FBXO31: variants seen among roughly 807,000 people sequenced by gnomAD.
The protein encoded by FBXO31 is F-box protein 31, also known as F-box only protein 31.
A neutral mutation model predicts 54.4 loss-of-function variants in FBXO31; 24 were observed. That is an observed-to-expected ratio of 0.44 (90% CI 0.32 to 0.62). The LOEUF is 0.62. Ranked by LOEUF, FBXO31 falls within the 20% of genes least tolerant of loss-of-function variation. The probability of loss-of-function intolerance (pLI) is 0.05; values close to 1 mark genes in which losing one functional copy is unlikely to be tolerated. For synonymous variants in FBXO31, 388 were observed against 335.6 expected (o/e 1.16, Z -1.71); for missense variants, 665 against 787.1 (o/e 0.84, Z 1.86).
chr16:87,383,586 G>A lies in FBXO31; in HGVS notation c.159C>T (p.Gly53=), dbSNP rs1345567904. ...RIEASAGVGG[G]LCAGPSPPPP... ...GCGGCGGCGAGGGGCCCGCGCACAA[G>A]CCGCCCCCGACCCCGGCGCTAGCCT... The change falls in exon 1 of 9, where the codon GGC becomes GGT. Residue 53 remains glycine (G), a synonymous_variant. Transcript: ENST00000311635. This position sits in a 1 kb window ranked among gnomAD's most constrained non-coding sequence, Gnocchi z 4.9. 2 of 1,486,012 alleles carry A rather than the reference G, an allele frequency of 1.3e-6. No individual in the cohort carries two copies. The highest frequency in any genetic ancestry group is 2.6e-5 in the South Asian group (2 of 76,940). The allele number at this position is 1,486,012 out of a possible 1,614,324, so 92.1% of individuals were successfully genotyped here. A position where few individuals can be genotyped will look rare whatever the true frequency, so the allele number is the denominator to read the frequency against.
At chr16:87,385,845 C>T (rs1441337991), upstream of FBXO31, among the ~76,000 whole-genome samples, 2 of 151,954 alleles carry the variant, frequency 1.3e-5, no homozygotes, top group African/African-American at 2.4e-5. Context: ...CTTGTCTCTA[C>T]TGAAAAAATG....
chr16:87,333,826 G>A (rs1259621189), intron 8 of FBXO31, 60 bp downstream of exon 8: 1 of 1,531,946 alleles, frequency 6.5e-7, no homozygotes. Flanking sequence ...GTGGGGCTGG[G>A]GCCCTCGCTG....
At chr16:87,360,115 G>A (rs920238609) in intron 2 of FBXO31, among the ~76,000 whole-genome samples, 180 bp downstream of exon 2, 1 of 152,150 alleles carries the variant, frequency 6.6e-6, no homozygotes, top group African/African-American at 2.4e-5. Context: ...GGGAGAATAC[G>A]GTGTCCCCTC....
At chr16:87,361,884 G>C (rs1238689639) in intron 1 of FBXO31, among the ~76,000 whole-genome samples, 3 of 152,188 alleles carry the variant, frequency 2.0e-5, no homozygotes, top group Non-Finnish European at 4.4e-5. Context: ...CTCCACTTCT[G>C]AACCTCAAGG....
intron 2 of FBXO31, among the ~76,000 whole-genome samples, chr16:87,348,945 A>G (rs1362626700): frequency 6.6e-6 from 1 of 152,234 alleles, no homozygotes; most frequent in Non-Finnish European, 1.5e-5. Flanking sequence ...ACTCGGTAGG[A>G]GGAGCAGCAG....
chr16:87,365,379 T>G (rs1208311909), intron 1 of FBXO31, among the ~76,000 whole-genome samples: 2 of 152,134 alleles, frequency 1.3e-5, no homozygotes, highest in Non-Finnish European at 2.9e-5. Flanking sequence ...TACACACAAT[T>G]GTAAACAATT....
intron 1 of FBXO31, among the ~76,000 whole-genome samples, chr16:87,371,484 G>A (rs1028039045): frequency 5.9e-5 from 9 of 152,238 alleles, no homozygotes; most frequent in African/African-American, 1.4e-4. Flanking sequence ...GGACCTTCCC[G>A]AGATTTCAAA....
chr16:87,369,251 C>T (rs1374412733), intron 1 of FBXO31, among the ~76,000 whole-genome samples: 1 of 152,050 alleles, frequency 6.6e-6, no homozygotes, highest in Non-Finnish European at 1.5e-5. Context: ...GGACTCAGCA[C>T]CTCCATATCG....
At chr16:87,351,293 T>C (rs536334318) in intron 2 of FBXO31, among the ~76,000 whole-genome samples, 1 of 152,122 alleles carries the variant, frequency 6.6e-6, no homozygotes, top group South Asian at 2.1e-4. Flanking sequence ...CACGTACGAG[T>C]GTGAGCGTGA....
chr16:87,349,364 G>A (rs1464558675), intron 2 of FBXO31, among the ~76,000 whole-genome samples: 3 of 152,220 alleles, frequency 2.0e-5, no homozygotes, highest in Non-Finnish European at 2.9e-5. Flanking sequence ...ACCGTGAAAG[G>A]CAGGGATTGT....
chr16:87,328,215 T>G lies in FBXO31; in HGVS notation c.*3073A>C, dbSNP rs1485405388. The G allele has an allele frequency of 1.3e-5, 2 of 152,304 alleles. No individual in the cohort carries two copies. The highest frequency in any genetic ancestry group is 1.5e-5 in the Non-Finnish European group (1 of 68,114). The allele number at this position is 152,304 out of a possible 1,614,324, so 9.4% of individuals were successfully genotyped here. ...CCCTTGCGTGCGGCTGCAGCACAAC[T>G]GCAGGTTCTCAGAGAAAAATCTCCA... On this transcript the variant is annotated 3_prime_UTR_variant, in exon 9 of 9. Transcript: ENST00000311635.
Position 87,343,594 on chromosome 16 carries a change from ACACCTGGATGT to A in FBXO31, c.650_657+3del. 3 of 1,603,658 alleles carry A rather than the reference ACACCTGGATGT, an allele frequency of 1.9e-6. No individual in the cohort carries two copies. Among genetic ancestry groups the A allele is most frequent in the Non-Finnish European group, 2.6e-6 (3 of 1,175,260 alleles). Reference sequence around the variant, plus strand: ...TGAGGACCCAGCCCCGCCGCTGCACACACCTGGATGTGGCCGTGGTGGGGCCCTTTGTGGCC... The same window carrying A: ...TGAGGACCCAGCCCCGCCGCTGCACAGGCCGTGGTGGGGCCCTTTGTGGCC... On this transcript the variant is annotated splice_donor_variant and splice_donor_region_variant and coding_sequence_variant and intron_variant, in exon 4 of 9. Transcript: ENST00000311635. LOFTEE classifies it high-confidence loss of function.
At chr16:87,370,343 C>T (rs1906545927) in intron 1 of FBXO31, among the ~76,000 whole-genome samples, 1 of 152,218 alleles carries the variant, frequency 6.6e-6, no homozygotes, top group Admixed American at 6.5e-5. Context: ...GGCACTGGCA[C>T]TAGGGGGACT....
At chr16:87,343,229 G>C (rs1270123886) in intron 4 of FBXO31, among the ~76,000 whole-genome samples, 2 of 152,264 alleles carry the variant, frequency 1.3e-5, no homozygotes, top group Non-Finnish European at 2.9e-5. Flanking sequence ...TCACACACAA[G>C]GTGTGGCAGA....
chr16:87,372,082 G>C (rs955081374), intron 1 of FBXO31, among the ~76,000 whole-genome samples: 1 of 152,012 alleles, frequency 6.6e-6, no homozygotes, highest in African/African-American at 2.4e-5. Flanking sequence ...AAATTAGCCA[G>C]GTATGGTGGC....
intron 2 of FBXO31, among the ~76,000 whole-genome samples, chr16:87,354,804 C>A (rs2150682347): frequency 6.6e-6 from 1 of 152,126 alleles, no homozygotes; most frequent in Middle Eastern, 3.4e-3. Flanking sequence ...CCCGTCTCTA[C>A]TAAAAATACA....
At chr16:87,386,373 G>T (rs1398999726), upstream of FBXO31, among the ~76,000 whole-genome samples, 1 of 152,228 alleles carries the variant, frequency 6.6e-6, no homozygotes, top group African/African-American at 2.4e-5. Flanking sequence ...AGTGAGCAGC[G>T]TGGTATGCAG....
At position 87,348,848 on chromosome 16, in the gene FBXO31, C is replaced by T. The variant is rs1028325368; in HGVS notation, c.413-1598G>A. Among the ~76,000 whole-genome samples, 12 of 152,300 alleles carry T rather than the reference C, an allele frequency of 7.9e-5. No homozygotes were observed. The East Asian group carries it at 1.4e-3, about 17-fold the overall frequency. On this transcript the variant is annotated intron_variant, in intron 2 of 8. Transcript: ENST00000311635. ...GGCGCCTGTGTACCTGGAAAGCTCC[C>T]GCAAACCCTGGATCCCGCAGAACAA...
intron 1 of FBXO31, among the ~76,000 whole-genome samples, chr16:87,374,441 G>A (rs984760556): frequency 6.6e-6 from 1 of 152,110 alleles, no homozygotes; most frequent in Non-Finnish European, 1.5e-5. Flanking sequence ...GATTTATTGG[G>A]TACTGCACTG....
Sources: allele counts gnomAD v4.1 joint callset (sites outside exome capture counted in the v4.1 genomes callset), GRCh38; gene constraint gnomAD v4.1.1; non-coding constraint Gnocchi (gnomAD v3.1); transcripts MANE v1.5; gene names NCBI Gene and HGNC (gene_info 2026-07-23, HGNC 2026-07-21).